Variants in LRRC28 observed in about 807,000 individuals in gnomAD.
LRRC28 encodes leucine-rich repeat-containing protein 28.
Under a neutral mutation model 45.7 loss-of-function variants are expected in LRRC28, and 39 were observed. The ratio of observed to expected loss-of-function variants is 0.85; its 90% CI spans 0.66 to 1.12. The LOEUF is 1.12. Ranked by LOEUF, LRRC28 falls within the 50% of genes most tolerant of loss-of-function variation. The pLI is 0.00. For synonymous variants in LRRC28, 206 were observed against 178.8 expected (o/e 1.15, Z -1.22); for missense variants, 435 against 438.5 (o/e 0.99, Z 0.07).
chr15:99,354,929 C>T (rs992569106), intron 7 of LRRC28, among the ~76,000 whole-genome samples: 1 of 152,140 alleles, frequency 6.6e-6, no homozygotes, highest in Non-Finnish European at 1.5e-5. Flanking sequence ...AGAGCAACAA[C>T]TGAGCAAAAT....
At position 99,387,004 on chromosome 15, in the gene LRRC28, A is replaced by G. The variant is rs1305161567; in HGVS notation, c.*902A>G. ...TTGATGGGTTTATGATTCAGTTTAT[A>G]CTGACTTTGAAATATTTTTGTCACA... On this transcript the variant is annotated 3_prime_UTR_variant, in exon 10 of 10. Coordinates refer to ENST00000301981, the MANE Select transcript of LRRC28 (RefSeq NM_144598.5). The G allele has an allele frequency of 6.6e-6, 1 of 152,142 alleles. No individual in the cohort carries two copies. The highest frequency in any genetic ancestry group is 1.5e-5 in the Non-Finnish European group (1 of 68,028). The allele number at this position is 152,142 out of a possible 1,614,324, so 9.4% of individuals were successfully genotyped here.
At chr15:99,329,447 C>G (rs1253948304) in intron 5 of LRRC28, among the ~76,000 whole-genome samples, 1 of 152,230 alleles carries the variant, frequency 6.6e-6, no homozygotes, top group Non-Finnish European at 1.5e-5. Flanking sequence ...CATAGTGCCA[C>G]TTTGTTATGC....
At chr15:99,379,228 G>C in intron 9 of LRRC28, among the ~76,000 whole-genome samples, 1 of 152,074 alleles carries the variant, frequency 6.6e-6, no homozygotes, top group Non-Finnish European at 1.5e-5. Flanking sequence ...TGTTATTGGT[G>C]TACTCTGGGA....
chr15:99,253,321 A>C (rs904375355), intron 1 of LRRC28, among the ~76,000 whole-genome samples: 21 of 152,254 alleles, frequency 1.4e-4, no homozygotes, highest in African/African-American at 4.6e-4. Flanking sequence ...GGGTTTCGCC[A>C]AGTTGGCCAG....
chr15:99,380,913 A>G (rs576059588), intron 9 of LRRC28, among the ~76,000 whole-genome samples: 1 of 152,314 alleles, frequency 6.6e-6, no homozygotes, highest in African/African-American at 2.4e-5. Context: ...TGTTCGTCTG[A>G]TGGGCTTTCC....
At chr15:99,341,975 A>G (rs894445009) in intron 6 of LRRC28, among the ~76,000 whole-genome samples, 1 of 152,200 alleles carries the variant, frequency 6.6e-6, no homozygotes, top group Non-Finnish European at 1.5e-5. Flanking sequence ...AAGCAGTTCA[A>G]GGCACAATGC....
At chr15:99,302,225 C>CA (rs1955003230) in intron 5 of LRRC28, among the ~76,000 whole-genome samples, 1 of 151,932 alleles carries the variant, frequency 6.6e-6, no homozygotes, top group Admixed American at 6.6e-5. Flanking sequence ...GATGGGGTTT[C>CA]ATCGTGTTAG....
intron 6 of LRRC28, among the ~76,000 whole-genome samples, chr15:99,349,024 T>C (rs1956785861): frequency 6.6e-6 from 1 of 152,102 alleles, no homozygotes; most frequent in African/African-American, 2.4e-5. Flanking sequence ...TAGATATTTT[T>C]AAAAAATACT....
intron 2 of LRRC28, chr15:99,259,216 AC>A (rs2081118995): frequency 1.8e-6 from 2 of 1,086,346 alleles, no homozygotes; most frequent in African/African-American, 3.1e-5. Flanking sequence ...TGAAGGAAAA[AC>A]AAGACAAAAT....
intron 6 of LRRC28, among the ~76,000 whole-genome samples, chr15:99,334,591 G>A (rs950004556): frequency 4.6e-5 from 7 of 152,116 alleles, no homozygotes; most frequent in Non-Finnish European, 8.8e-5. Flanking sequence ...CCTTAAAATT[G>A]GCTGAACTTC....
chr15:99,253,280 C>A (rs974841686), intron 1 of LRRC28, among the ~76,000 whole-genome samples: 3 of 152,266 alleles, frequency 2.0e-5, no homozygotes, highest in Non-Finnish European at 4.4e-5. Context: ...GCCACCAAAC[C>A]CAGCTAATTT....
At chr15:99,257,871 G>A in intron 2 of LRRC28, 1 of 775,102 alleles carries the variant, frequency 1.3e-6, no homozygotes. Flanking sequence ...CTTCCAAGCT[G>A]AAGTTAACAG....
chr15:99,273,271 C>G (rs529041780), intron 2 of LRRC28, among the ~76,000 whole-genome samples: 49 of 152,148 alleles, frequency 3.2e-4, no homozygotes, highest in African/African-American at 1.1e-3. Flanking sequence ...GAGTCTCACT[C>G]TGTCACCCAG....
intron 6 of LRRC28, among the ~76,000 whole-genome samples, chr15:99,336,132 G>A (rs534344490): frequency 6.6e-6 from 1 of 152,168 alleles, no homozygotes; most frequent in Non-Finnish European, 1.5e-5. Context: ...ATGACTATTT[G>A]TAAGAATAAT....
chr15:99,386,132 C>T lies in LRRC28; in HGVS notation c.*30C>T, dbSNP rs770291907. On this transcript the variant is annotated 3_prime_UTR_variant, in exon 10 of 10. Transcript: ENST00000301981. ...CACTCAAGAACCTCAGGAGCGCTGC[C>T]AGCTTGACACTGGGGAATCCAGCCA... 1 of 1,568,790 alleles carries T rather than the reference C, an allele frequency of 6.4e-7. No homozygotes were observed. The highest frequency in any genetic ancestry group is 8.8e-7 in the Non-Finnish European group (1 of 1,138,610).
intron 5 of LRRC28, among the ~76,000 whole-genome samples, chr15:99,291,797 A>G (rs2082129026): frequency 6.6e-6 from 1 of 152,236 alleles, no homozygotes; most frequent in Non-Finnish European, 1.5e-5. Context: ...TGTCAGCAAT[A>G]TATGAGAGGT....
chr15:99,287,972 A>G lies in LRRC28; in HGVS notation c.385+21A>G, dbSNP rs1231665882. On this transcript the variant is annotated intron_variant, in intron 5 of 9. Transcript: ENST00000301981. ...TCCAGGTAATCATAGTCTCTAGCAC[A>G]CTATAGTTTCTTGTCTATTATAAAT... The G allele has an allele frequency of 4.4e-6, 7 of 1,587,590 alleles. No individual in the cohort carries two copies. In the African/African-American group the frequency reaches 8.1e-5, roughly 18 times the overall value.
chr15:99,299,758 A>G (rs962726307), intron 5 of LRRC28, among the ~76,000 whole-genome samples: 1 of 152,198 alleles, frequency 6.6e-6, no homozygotes, highest in African/African-American at 2.4e-5. Flanking sequence ...TTCTTTGTTT[A>G]ATCCTTTTTA....
At chr15:99,344,779 G>C (rs951070244) in intron 6 of LRRC28, among the ~76,000 whole-genome samples, 2 of 152,118 alleles carry the variant, frequency 1.3e-5, no homozygotes, top group Non-Finnish European at 1.5e-5. Flanking sequence ...CATTTAATTT[G>C]CATAAGCTCT....
Sources: allele counts gnomAD v4.1 joint callset (sites outside exome capture counted in the v4.1 genomes callset), GRCh38; gene constraint gnomAD v4.1.1; transcripts MANE v1.5; gene names NCBI Gene and HGNC (gene_info 2026-07-23, HGNC 2026-07-21).